The following REDIC1 variants were observed in gnomAD, a reference collection of about 807,000 sequenced individuals.
The protein encoded by REDIC1 is HEI10 Interacting Protein 1.
At chr12:39,707,434 A>T in the REDIC1 span, among the ~76,000 whole-genome samples, 1 of 151,954 alleles carries the variant, frequency 6.6e-6, no homozygotes, top group African/African-American at 2.4e-5. Context: ...TACAACCACT[A>T]TGGAGAATAG....
chr12:39,726,427 C>T, the REDIC1 span, among the ~76,000 whole-genome samples: 122 of 152,192 alleles, frequency 8.0e-4, no homozygotes, highest in Non-Finnish European at 1.4e-3. Context: ...GTTTTCTGTT[C>T]CTGTGTTAGT....
At chr12:39,759,929 G>T in the REDIC1 span, 1 of 862,290 alleles carries the variant, frequency 1.2e-6, no homozygotes, top group Non-Finnish European at 1.8e-6. Context: ...ACTAGGCTGT[G>T]GAAAGAACCA....
chr12:39,694,806 C>T, the REDIC1 span, among the ~76,000 whole-genome samples: 1 of 152,120 alleles, frequency 6.6e-6, no homozygotes, highest in Non-Finnish European at 1.5e-5. Flanking sequence ...TCCCGTAACC[C>T]AGACCACTCA....
the REDIC1 span, among the ~76,000 whole-genome samples, chr12:39,712,884 CAT>C: frequency 7.3e-6 from 1 of 136,792 alleles, no homozygotes; most frequent in Non-Finnish European, 1.6e-5. Flanking sequence ...CACGTATATA[CAT>C]ATATGCATAT....
the REDIC1 span, among the ~76,000 whole-genome samples, chr12:39,767,485 C>T: frequency 6.6e-6 from 1 of 151,992 alleles, no homozygotes; most frequent in Non-Finnish European, 1.5e-5. Context: ...TTGGCTTCAA[C>T]TTAAAAGTCA....
At chr12:39,704,873 G>A in the REDIC1 span, among the ~76,000 whole-genome samples, 72 of 152,090 alleles carry the variant, frequency 4.7e-4, no homozygotes, top group African/African-American at 1.5e-3. Flanking sequence ...ATTGAACAAT[G>A]AGAACACATG....
chr12:39,807,994 A>G, the REDIC1 span, among the ~76,000 whole-genome samples: 1 of 152,190 alleles, frequency 6.6e-6, no homozygotes, highest in African/African-American at 2.4e-5. Flanking sequence ...TGTATAATAT[A>G]CAAAATATAA....
chr12:39,774,921 G>A, the REDIC1 span, among the ~76,000 whole-genome samples: 2 of 152,140 alleles, frequency 1.3e-5, no homozygotes, highest in Non-Finnish European at 2.9e-5. Flanking sequence ...AAGGTGATGA[G>A]ACTATAGCAA....
At chr12:39,803,916 C>A in the REDIC1 span, among the ~76,000 whole-genome samples, 1 of 152,124 alleles carries the variant, frequency 6.6e-6, no homozygotes, top group South Asian at 2.1e-4. Context: ...AATAAAATTA[C>A]ACCTCTATCA....
At chr12:39,714,145 A>ATGTATATACATGCATATATGCGTATG in the REDIC1 span, among the ~76,000 whole-genome samples, 363 of 148,010 alleles carry the variant, frequency 2.5e-3, 16 homozygotes, top group African/African-American at 8.4e-3. Flanking sequence ...ATACGTATAT[A>ATGTATATACATGCATATATGCGTATG]TGTATATACA....
chr12:39,715,605 G>A, the REDIC1 span, among the ~76,000 whole-genome samples: 1 of 151,948 alleles, frequency 6.6e-6, no homozygotes, highest in Non-Finnish European at 1.5e-5. Context: ...CCGAAAAAGA[G>A]CCCACATAGC....
At chr12:39,837,770 G>A in the REDIC1 span, among the ~76,000 whole-genome samples, 1 of 152,160 alleles carries the variant, frequency 6.6e-6, no homozygotes, top group Non-Finnish European at 1.5e-5. Flanking sequence ...TCAGAGAAAT[G>A]CAAATCAAAA....
the REDIC1 span, among the ~76,000 whole-genome samples, chr12:39,713,249 C>CATATACGTGTATAGATGTGTAT: frequency 8.4e-6 from 1 of 119,374 alleles, no homozygotes; most frequent in Non-Finnish European, 1.7e-5. Context: ...TATGTGTACA[C>CATATACGTGTATAGATGTGTAT]ACACATACGT....
the REDIC1 span, among the ~76,000 whole-genome samples, chr12:39,630,607 T>G: frequency 6.6e-6 from 1 of 152,182 alleles, no homozygotes; most frequent in Admixed American, 6.5e-5. Context: ...TTAGAAAATA[T>G]TTAATGTCAG....
At chr12:39,830,061 G>C in the REDIC1 span, 3 of 1,611,364 alleles carry the variant, frequency 1.9e-6, no homozygotes, top group African/African-American at 2.7e-5. Flanking sequence ...GCCTCGTTTT[G>C]AAATATTATT....
the REDIC1 span, chr12:39,764,956 G>GTCT: frequency 4.8e-3 from 6,271 of 1,311,684 alleles, 26 homozygotes; most frequent in Non-Finnish European, 6.1e-3. Flanking sequence ...ATTCCTTAAT[G>GTCT]TCTTAAGAGT....
chr12:39,660,877 A>G, the REDIC1 span, among the ~76,000 whole-genome samples: 1 of 151,876 alleles, frequency 6.6e-6, no homozygotes, highest in Non-Finnish European at 1.5e-5. Context: ...CCCACGAGAG[A>G]TTAACTTTTT....
chr12:39,773,181 C>T, the REDIC1 span, among the ~76,000 whole-genome samples: 75 of 152,296 alleles, frequency 4.9e-4, no homozygotes, highest in African/African-American at 1.7e-3. Flanking sequence ...GGCACCTTTT[C>T]ACCACATCCT....
chr12:39,632,537 T>C, the REDIC1 span, among the ~76,000 whole-genome samples: 1 of 152,212 alleles, frequency 6.6e-6, no homozygotes, highest in Non-Finnish European at 1.5e-5. Context: ...TATATGTATG[T>C]ATGCATGCAT....
Sources: gnomAD v4.1 joint callset for allele counts (sites outside exome capture counted in the v4.1 genomes callset) on GRCh38, gnomAD v4.1.1 for gene constraint, MANE v1.5 for transcripts, NCBI Gene and HGNC (gene_info 2026-07-23, HGNC 2026-07-21) for gene names.